IL20RB: variants seen among roughly 807,000 people sequenced by gnomAD.
IL20RB encodes interleukin-20 receptor subunit beta.
IL20RB carries 21 observed loss-of-function variants against 33.3 expected under a neutral mutation model. The observed-to-expected ratio is 0.63, with a 90% confidence interval of 0.45 to 0.91. The LOEUF (loss-of-function observed/expected upper bound fraction) is 0.91, where lower values mean the gene tolerates loss of function less well. Among genes scored for constraint, IL20RB ranks in the 40% least tolerant of loss-of-function variants. The probability of loss-of-function intolerance (pLI) is 0.00; values close to 1 mark genes in which losing one functional copy is unlikely to be tolerated. For missense variants in IL20RB, 345 were observed against 384.8 expected, an observed-to-expected ratio of 0.90 and a Z score of 0.86; for synonymous variants, 147 against 146.8, an observed-to-expected ratio of 1.00 and a Z score of -0.01.
chr3:136,982,844 G>A (rs540688815), intron 3 of IL20RB, among the ~76,000 whole-genome samples: 1 of 152,192 alleles, frequency 6.6e-6, no homozygotes, highest in Non-Finnish European at 1.5e-5. Context: ...TTTTCTTTTG[G>A]AGTAGTACCT....
intron 3 of IL20RB, chr3:136,986,871 G>T (rs1355760441): frequency 2.5e-6 from 1 of 407,388 alleles, no homozygotes; most frequent in African/African-American, 2.1e-5. Context: ...CTTCTGGTGG[G>T]TTCCTAGTCT....
intron 5 of IL20RB, among the ~76,000 whole-genome samples, chr3:136,994,349 T>G (rs1942086869): frequency 6.6e-6 from 1 of 152,250 alleles, no homozygotes; most frequent in Non-Finnish European, 1.5e-5. Context: ...ATGTGCTTAT[T>G]TCACATTGCA....
chr3:136,962,111 A>G (rs560262131), intron 1 of IL20RB, among the ~76,000 whole-genome samples: 7 of 152,360 alleles, frequency 4.6e-5, no homozygotes, highest in Middle Eastern at 3.4e-3. Flanking sequence ...TAAATAAAAT[A>G]TCACTACTAG....
At chr3:136,972,803 T>C (rs1200810211) in intron 1 of IL20RB, among the ~76,000 whole-genome samples, 1 of 152,094 alleles carries the variant, frequency 6.6e-6, no homozygotes, top group Non-Finnish European at 1.5e-5. Flanking sequence ...AATTCTGCTC[T>C]GATCTTTATT....
intron 1 of IL20RB, among the ~76,000 whole-genome samples, chr3:136,974,980 C>G (rs1941580445): frequency 6.6e-6 from 1 of 152,110 alleles, no homozygotes; most frequent in Admixed American, 6.5e-5. Flanking sequence ...ATATCTATCT[C>G]TTTGGAAATT....
At chr3:136,976,644 G>C (rs1195100713) in intron 1 of IL20RB, among the ~76,000 whole-genome samples, 6 of 152,198 alleles carry the variant, frequency 3.9e-5, no homozygotes, top group Non-Finnish European at 5.9e-5. Context: ...TTGATTCTCA[G>C]TCTCAGCTGT....
intron 1 of IL20RB, among the ~76,000 whole-genome samples, chr3:136,974,643 G>A (rs10935214): frequency 0.47 from 70,764 of 151,954 alleles, 16,996 homozygotes; most frequent in East Asian, 0.7. Flanking sequence ...TGAGCCTCCT[G>A]TAACTAGATG....
At position 136,982,319 on chromosome 3, in the gene IL20RB, C is replaced by A; in HGVS notation, c.375C>A (p.Ser125Arg). 6.3e-7 allele frequency: 1 copy of A among 1,599,342 alleles called. No homozygotes were observed. Among genetic ancestry groups the A allele is most frequent in the South Asian group, 1.1e-5 (1 of 90,258 alleles). ...ATLGSQTSAWSILKHPFNRNS... is the reference protein window; with the variant it reads ...ATLGSQTSAWRILKHPFNRNS... ...TGGGCTCACAGACCTCAGCCTGGAGCATCCTGAAGCATCCCTTTAATAGAA... is the reference window on the plus strand; with the variant it reads ...TGGGCTCACAGACCTCAGCCTGGAGAATCCTGAAGCATCCCTTTAATAGAA... Residue 125 changes from serine to arginine, a missense_variant, in exon 3 of 7, where the codon AGC becomes AGA. Coordinates refer to ENST00000329582, the MANE Select transcript of IL20RB (RefSeq NM_144717.4).
At chr3:136,971,885 G>T (rs1196657704) in intron 1 of IL20RB, among the ~76,000 whole-genome samples, 1 of 152,126 alleles carries the variant, frequency 6.6e-6, no homozygotes, top group East Asian at 1.9e-4. Flanking sequence ...TGGTAATTCT[G>T]TTTTTAGTTT....
intron 3 of IL20RB, among the ~76,000 whole-genome samples, chr3:136,985,976 C>CA (rs1941887521): frequency 6.6e-6 from 1 of 152,150 alleles, no homozygotes; most frequent in African/African-American, 2.4e-5. Context: ...CAATGTTAGG[C>CA]TGGGCATGGT....
chr3:136,996,442 AAAAGCAACT>A (rs1256764150), intron 6 of IL20RB, among the ~76,000 whole-genome samples: 3 of 152,212 alleles, frequency 2.0e-5, no homozygotes, highest in African/African-American at 7.2e-5. Context: ...TCAGCTTCTG[AAAAGCAACT>A]AAAGCCAGAA....
intron 6 of IL20RB, among the ~76,000 whole-genome samples, chr3:137,007,743 C>T (rs946218908): frequency 1.3e-5 from 2 of 152,208 alleles, no homozygotes; most frequent in Admixed American, 6.5e-5. Flanking sequence ...TTGTGCTTCC[C>T]GGGTAAGGCG....
intron 3 of IL20RB, among the ~76,000 whole-genome samples, chr3:136,987,113 G>A (rs1279748618): frequency 2.7e-5 from 4 of 150,432 alleles, no homozygotes; most frequent in South Asian, 2.1e-4. Flanking sequence ...TCCACAGTGT[G>A]GAAGGGGACC....
intron 1 of IL20RB, among the ~76,000 whole-genome samples, chr3:136,962,393 C>T (rs765395102): frequency 2.8e-4 from 43 of 152,106 alleles, no homozygotes; most frequent in African/African-American, 9.9e-4. Flanking sequence ...AATCAAATCA[C>T]GTGAAAATAT....
At chr3:136,998,340 T>G (rs1942176283) in intron 6 of IL20RB, among the ~76,000 whole-genome samples, 1 of 151,634 alleles carries the variant, frequency 6.6e-6, no homozygotes, top group African/African-American at 2.4e-5. Context: ...AATGTAAGAA[T>G]TTTGGAATAA....
At chr3:137,002,852 T>C (rs944805326) in intron 6 of IL20RB, among the ~76,000 whole-genome samples, 2 of 152,242 alleles carry the variant, frequency 1.3e-5, no homozygotes, top group African/African-American at 2.4e-5. Flanking sequence ...CCCATGCCTA[T>C]GTCCTGAATG....
chr3:137,007,922 G>T (rs553280004), intron 6 of IL20RB, among the ~76,000 whole-genome samples: 19 of 152,204 alleles, frequency 1.2e-4, no homozygotes, highest in African/African-American at 4.6e-4. Context: ...ATCTTGGAAC[G>T]CAATCCCACC....
intron 3 of IL20RB, among the ~76,000 whole-genome samples, chr3:136,983,462 A>G (rs1941830632): frequency 6.6e-6 from 1 of 152,198 alleles, no homozygotes; most frequent in South Asian, 2.1e-4. Flanking sequence ...AGCCTGCAGG[A>G]CAGGGGAAGA....
chr3:136,974,653 G>A (rs536082310), intron 1 of IL20RB, among the ~76,000 whole-genome samples: 102 of 152,112 alleles, frequency 6.7e-4, no homozygotes, highest in Non-Finnish European at 1.2e-3. Flanking sequence ...GTAACTAGAT[G>A]TCTAAATATC....
Sources: allele counts gnomAD v4.1 joint callset (sites outside exome capture counted in the v4.1 genomes callset), GRCh38; gene constraint gnomAD v4.1.1; transcripts MANE v1.5; gene names NCBI Gene and HGNC (gene_info 2026-07-23, HGNC 2026-07-21).